The following MMP16 variants were observed in gnomAD, a reference collection of about 807,000 sequenced individuals.
MMP16 encodes the protein matrix metalloproteinase-16.
A neutral mutation model predicts 67.8 loss-of-function variants in MMP16; 12 were observed. The ratio of observed to expected loss-of-function variants is 0.18; its 90% CI spans 0.11 to 0.29. The LOEUF is 0.29. MMP16 is among the 10% of genes least tolerant of loss of function. The pLI is 1.00. For synonymous variants in MMP16, 249 were observed against 255.9 expected (o/e 0.97, Z 0.26); for missense variants, 475 against 765.7 (o/e 0.62, Z 4.48).
intron 4 of MMP16, among the ~76,000 whole-genome samples, chr8:88,155,425 T>A (rs1808492383): frequency 6.6e-6 from 1 of 152,126 alleles, no homozygotes. Flanking sequence ...TTTCTTTACT[T>A]ACAGGATATA....
At chr8:88,066,324 A>G (rs1295359005) in intron 7 of MMP16, among the ~76,000 whole-genome samples, 2 of 152,074 alleles carry the variant, frequency 1.3e-5, no homozygotes, top group Non-Finnish European at 2.9e-5. Flanking sequence ...TACTCTTTAT[A>G]TGGGATATAC....
chr8:88,270,578 A>AT lies in MMP16; in HGVS notation c.132+56496_132+56497insA, dbSNP rs11452533. ...TAGATAAGGAAGCAGAGAATCAGAG[A>AT]ATTTCCCAGTAGTAAGCAAAAGAGA... On this transcript the variant is annotated intron_variant, in intron 1 of 9. Coordinates refer to ENST00000286614, the MANE Select transcript of MMP16 (RefSeq NM_005941.5). Among the ~76,000 whole-genome samples, 953 of 152,354 alleles carry AT rather than the reference A, an allele frequency of 6.3e-3. 6 individuals carry two copies. The highest frequency in any genetic ancestry group is 0.022 in the African/African-American group (905 of 41,586).
Position 88,080,826 on chromosome 8 carries a change from T to C in MMP16, c.1084-6083A>G, listed in dbSNP as rs1431548461. On this transcript the variant is annotated intron_variant, in intron 6 of 9. Coordinates refer to ENST00000286614, the MANE Select transcript of MMP16 (RefSeq NM_005941.5). The stretch of plus-strand genomic sequence containing the variant: ...ATTAAGCTGTTTCCTAAGAAAAAAA[T>C]TGGGTATGCAACAATACCGAAAGAA... Among the ~76,000 whole-genome samples, 7 of 152,186 alleles carry C rather than the reference T, an allele frequency of 4.6e-5. No homozygotes were observed. In the East Asian group the frequency reaches 1.2e-3, roughly 25 times the overall value.
At chr8:88,113,952 T>C (rs1809384754) in intron 6 of MMP16, among the ~76,000 whole-genome samples, 1 of 151,992 alleles carries the variant, frequency 6.6e-6, no homozygotes, top group South Asian at 2.1e-4. Context: ...GAAACTTTTC[T>C]CAATTATTTC....
chr8:88,060,451 G>A (rs1316666908), intron 7 of MMP16, among the ~76,000 whole-genome samples: 2 of 151,922 alleles, frequency 1.3e-5, no homozygotes, highest in Non-Finnish European at 2.9e-5. Flanking sequence ...AAATTTCAGT[G>A]GTTTCTTATT....
intron 4 of MMP16, among the ~76,000 whole-genome samples, chr8:88,159,910 T>A (rs1389579792): frequency 6.6e-6 from 1 of 152,002 alleles, no homozygotes; most frequent in Non-Finnish European, 1.5e-5. Flanking sequence ...TCGTCGTTGG[T>A]TCTGTTTATA....
chr8:88,076,543 A>C (rs1172388293), intron 6 of MMP16, among the ~76,000 whole-genome samples: 1 of 152,128 alleles, frequency 6.6e-6, no homozygotes, highest in Non-Finnish European at 1.5e-5. Flanking sequence ...TGGATTAATA[A>C]TGTTTTGATC....
chr8:88,053,515 T>A (rs1808295251), intron 8 of MMP16, among the ~76,000 whole-genome samples: 1 of 152,314 alleles, frequency 6.6e-6, no homozygotes, highest in South Asian at 2.1e-4. Context: ...TCCTTTTTGC[T>A]CTTAGCCTTA....
intron 1 of MMP16, among the ~76,000 whole-genome samples, chr8:88,279,999 T>C (rs992067009): frequency 1.2e-4 from 18 of 152,066 alleles, no homozygotes; most frequent in African/African-American, 4.1e-4. Context: ...TGAACCCCAG[T>C]GGTTCAGAAT....
At chr8:88,059,865 A>G (rs1379765885) in intron 7 of MMP16, among the ~76,000 whole-genome samples, 1 of 151,888 alleles carries the variant, frequency 6.6e-6, no homozygotes, top group African/African-American at 2.4e-5. Flanking sequence ...GGGGAAATTG[A>G]CTATTTTTAT....
chr8:88,137,905 G>A (rs1586170324), intron 4 of MMP16, among the ~76,000 whole-genome samples: 1 of 151,876 alleles, frequency 6.6e-6, no homozygotes, highest in South Asian at 2.1e-4. Flanking sequence ...ATTCTTCTAT[G>A]AAATACATCT....
At chr8:88,056,549 T>C (rs956420126) in intron 7 of MMP16, among the ~76,000 whole-genome samples, 2 of 151,994 alleles carry the variant, frequency 1.3e-5, no homozygotes, top group Non-Finnish European at 2.9e-5. Context: ...AAAAATAAAA[T>C]AGATCTATAA....
chr8:88,252,586 T>G (rs1345553897), intron 1 of MMP16, among the ~76,000 whole-genome samples: 1 of 149,672 alleles, frequency 6.7e-6, no homozygotes, highest in Non-Finnish European at 1.5e-5. Context: ...CAGATATAAA[T>G]GAAGTTGAAT....
At chr8:88,269,175 C>T (rs1810526034) in intron 1 of MMP16, among the ~76,000 whole-genome samples, 1 of 152,068 alleles carries the variant, frequency 6.6e-6, no homozygotes, top group African/African-American at 2.4e-5. Flanking sequence ...TAGCATTTTA[C>T]CATCTTAAGA....
At chr8:88,054,628 G>C (rs778699290) in intron 8 of MMP16, among the ~76,000 whole-genome samples, 1 of 152,012 alleles carries the variant, frequency 6.6e-6, no homozygotes, top group Admixed American at 6.6e-5. Context: ...TTATTATAAC[G>C]AATTAAAATC....
intron 6 of MMP16, among the ~76,000 whole-genome samples, chr8:88,114,627 C>G (rs1323780338): frequency 1.3e-5 from 2 of 151,752 alleles, no homozygotes; most frequent in African/African-American, 4.8e-5. Context: ...GTTCTCTAGG[C>G]AAATGGATAT....
chr8:88,166,799 C>CCTGAGCT (rs1218796058), intron 4 of MMP16, among the ~76,000 whole-genome samples: 7 of 148,328 alleles, frequency 4.7e-5, no homozygotes, highest in Non-Finnish European at 1.0e-4. Context: ...GTATTGAACT[C>CCTGAGCT]CTGAGCTCAA....
intron 1 of MMP16, among the ~76,000 whole-genome samples, chr8:88,218,419 T>C (rs377525870): frequency 1.3e-5 from 2 of 152,116 alleles, no homozygotes; most frequent in African/African-American, 2.4e-5. Flanking sequence ...ATATACAGCA[T>C]GGTGACTTTA....
At chr8:88,118,901 T>A (rs751977916) in intron 4 of MMP16, 40 bp from the exon 5 acceptor site, 18 of 1,578,178 alleles carry the variant, frequency 1.1e-5, no homozygotes, top group Non-Finnish European at 1.6e-5. Flanking sequence ...GTAACTAATA[T>A]CCAAATACAG....
Sources: gnomAD v4.1 joint callset for allele counts (sites outside exome capture counted in the v4.1 genomes callset) on GRCh38, gnomAD v4.1.1 for gene constraint, MANE v1.5 for transcripts, NCBI Gene and HGNC (gene_info 2026-07-23, HGNC 2026-07-21) for gene names.